Variants in TUBB3 observed in about 807,000 individuals in gnomAD.
TUBB3 encodes the protein tubulin beta-3 chain.
A neutral mutation model predicts 37.8 loss-of-function variants in TUBB3; 17 were observed. That is an observed-to-expected ratio of 0.45 (90% CI 0.31 to 0.67). TUBB3 has a LOEUF of 0.67. Ranked by LOEUF, TUBB3 falls within the 30% of genes least tolerant of loss-of-function variation. TUBB3 has a pLI of 0.07. For missense variants in TUBB3, 262 were observed against 657.9 expected (o/e 0.40, Z 6.58); for synonymous variants, 332 against 278.9 (o/e 1.19, Z -1.90).
chr16:89,932,547 C>T, intron 1 of TUBB3, 24 bp from the exon 2 acceptor site: 1 of 1,605,004 alleles, frequency 6.2e-7, no homozygotes, highest in Non-Finnish European at 8.5e-7. Context: ...GGTGCCGACC[C>T]CCCCTCTCCC....
Position 89,935,373 on chromosome 16 carries a change from G to A in TUBB3, c.922G>A (p.Gly308Ser), listed in dbSNP as rs1567765230. The change falls in exon 4 of 4, where the codon GGC (glycine) becomes AGC (serine). Residue 308 changes from glycine to serine, a missense_variant. Transcript: ENST00000315491. The part of the protein sequence containing the change: ...NMMAACDPRH[G>S]RYLTVATVFR... ...GATGGCCGCCTGCGACCCGCGCCAC[G>A]GCCGCTACCTGACGGTGGCCACCGT... is the stretch of plus-strand genomic sequence containing the variant. The A allele has an allele frequency of 2.5e-6, 4 of 1,614,016 alleles. No homozygotes were observed. The highest frequency in any genetic ancestry group is 3.4e-6 in the Non-Finnish European group (4 of 1,180,060).
rs754560439 is a variant in TUBB3 at position 89,935,522 on chromosome 16, G to A, written c.1071G>A (p.Pro357=). 17 of 1,614,060 alleles carry A rather than the reference G, an allele frequency of 1.1e-5. No individual in the cohort carries two copies. Among genetic ancestry groups the A allele is most frequent in the East Asian group, 2.2e-5 (1 of 44,898 alleles). The change falls in exon 4 of 4, where the codon CCG becomes CCA. Residue 357 remains proline (P), a synonymous_variant. Transcript: ENST00000315491. The stretch of plus-strand genomic sequence containing the variant: ...TGAAGGTGGCCGTGTGTGACATCCC[G>A]CCCCGCGGCCTCAAGATGTCCTCCA... ...NNVKVAVCDI[P]PRGLKMSSTF... is the part of the protein sequence containing the mutation.
At chr16:89,924,809 C>G (rs914230865) in intron 1 of TUBB3, among the ~76,000 whole-genome samples, 2 of 152,086 alleles carry the variant, frequency 1.3e-5, no homozygotes, top group African/African-American at 4.8e-5. Flanking sequence ...ACAGTGGCCT[C>G]AAATCAAACC....
chr16:89,924,137 G>T (rs1050136440), intron 1 of TUBB3, among the ~76,000 whole-genome samples: 7 of 152,224 alleles, frequency 4.6e-5, no homozygotes, highest in African/African-American at 1.7e-4. Flanking sequence ...TTGGATGTGG[G>T]AACAAAGCCG....
chr16:89,926,430 C>G (rs1302934176), intron 1 of TUBB3, among the ~76,000 whole-genome samples: 1 of 152,274 alleles, frequency 6.6e-6, no homozygotes. Context: ...TCGGGGACCC[C>G]CGCTCCCACC....
At chr16:89,933,655 T>A in intron 3 of TUBB3, 77 bp downstream of exon 3, 1 of 1,143,828 alleles carries the variant, frequency 8.7e-7, no homozygotes, top group Non-Finnish European at 1.3e-6. Flanking sequence ...GGGACGGCTG[T>A]GAGAAACAAG....
intron 1 of TUBB3, chr16:89,931,826 G>A (rs936896883): frequency 4.9e-6 from 2 of 407,900 alleles, no homozygotes; most frequent in Non-Finnish European, 1.0e-5. Context: ...AGTCCGAGAA[G>A]CACTGCAGGC....
intron 1 of TUBB3, 130 bp downstream of exon 1, chr16:89,923,588 G>T (rs1368570034): frequency 7.9e-6 from 7 of 888,478 alleles, no homozygotes; most frequent in Admixed American, 4.6e-5. Flanking sequence ...CCAGCGCCGC[G>T]CCGGGCGGCC....
At chr16:89,927,204 G>A (rs907688820) in intron 1 of TUBB3, among the ~76,000 whole-genome samples, 4 of 151,500 alleles carry the variant, frequency 2.6e-5, no homozygotes, top group Admixed American at 1.3e-4. Context: ...GCAAGACTCC[G>A]TGCCTACAAA....
At chr16:89,922,863 C>A (rs1431392377), upstream of TUBB3, among the ~76,000 whole-genome samples, 1 of 152,264 alleles carries the variant, frequency 6.6e-6, no homozygotes, top group Non-Finnish European at 1.5e-5. Flanking sequence ...CCTTTACCTA[C>A]CTCCCCCACC....
intron 1 of TUBB3, among the ~76,000 whole-genome samples, chr16:89,924,389 G>A (rs1320530515): frequency 6.6e-6 from 1 of 152,150 alleles, no homozygotes; most frequent in Non-Finnish European, 1.5e-5. Flanking sequence ...AGCCAACCTG[G>A]GGCTCGGGCG....
At chr16:89,927,548 C>G (rs1411536576) in intron 1 of TUBB3, among the ~76,000 whole-genome samples, 1 of 152,058 alleles carries the variant, frequency 6.6e-6, no homozygotes, top group Non-Finnish European at 1.5e-5. Flanking sequence ...CAAGTGGGAA[C>G]AAATTTCTTT....
Position 89,935,786 on chromosome 16 carries a change from G to T in TUBB3, c.1335G>T (p.Glu445Asp). The T allele has an allele frequency of 1.2e-6, 2 of 1,613,280 alleles. No homozygotes were observed. Among genetic ancestry groups the T allele is most frequent in the Non-Finnish European group, 1.7e-6 (2 of 1,179,666 alleles). Residue 445 changes from glutamate (E) to aspartate (D), a missense_variant, in exon 4 of 4, where the codon GAG becomes GAT. Coordinates refer to ENST00000315491, the MANE Select transcript of TUBB3 (RefSeq NM_006086.4). Reference sequence around the variant, plus strand: ...ACGAAGACGACGAGGAGGAGTCGGAGGCCCAGGGCCCCAAGTGAAGCTGCT... The same window carrying T: ...ACGAAGACGACGAGGAGGAGTCGGATGCCCAGGGCCCCAAGTGAAGCTGCT... The part of the protein sequence containing the change: ...EMYEDDEEES[E>D]AQGPK
At position 89,933,753 on chromosome 16, in the gene TUBB3, C is replaced by G. The variant is rs1050644672; in HGVS notation, c.277+175C>G. 1.1e-5 allele frequency: 8 copies of G among 714,908 alleles called. No individual in the cohort carries two copies. In the African/African-American group the frequency reaches 1.4e-4, roughly 12 times the overall value. The allele number at this position is 714,908 out of a possible 1,614,324, so 44.3% of individuals were successfully genotyped here. On this transcript the variant is annotated intron_variant, in intron 3 of 3. Coordinates refer to ENST00000315491, the MANE Select transcript of TUBB3 (RefSeq NM_006086.4). Reference sequence around the variant, plus strand: ...GCATTGGAGGCCCAGAGAAAGGGTTCTGTGGGGAGAACAGAAACCACTCAT... The same window carrying G: ...GCATTGGAGGCCCAGAGAAAGGGTTGTGTGGGGAGAACAGAAACCACTCAT...
At position 89,934,713 on chromosome 16, in the gene TUBB3, T is replaced by C. The variant is rs200799871; in HGVS notation, c.278-16T>C. 3.1e-5 allele frequency: 50 copies of C among 1,612,806 alleles called. No homozygotes were observed. The Admixed American group carries it at 3.8e-4, about 12-fold the overall frequency. ...GTCCCTGGCCCCTGTCTCTTACCCC[T>C]CTTCTCCCTGTACAGGTCAGAGTGG... On this transcript the variant is annotated splice_polypyrimidine_tract_variant and intron_variant, in intron 3 of 3. Coordinates refer to ENST00000315491, the MANE Select transcript of TUBB3 (RefSeq NM_006086.4).
chr16:89,926,203 A>G (rs1159779823), intron 1 of TUBB3, among the ~76,000 whole-genome samples: 1 of 151,908 alleles, frequency 6.6e-6, no homozygotes, highest in East Asian at 1.9e-4. Context: ...GCAGCGGCGG[A>G]GGGGGGAGCC....
chr16:89,934,829 C>T lies in TUBB3; in HGVS notation c.378C>T (p.Asn126=), dbSNP rs1597424672. The T allele has an allele frequency of 6.2e-7, 1 of 1,614,140 alleles. No homozygotes were observed. The highest frequency in any genetic ancestry group is 8.5e-7 in the Non-Finnish European group (1 of 1,180,020). Residue 126 remains asparagine, a synonymous_variant, in exon 4 of 4, where the codon AAC becomes AAT. Coordinates refer to ENST00000315491, the MANE Select transcript of TUBB3 (RefSeq NM_006086.4). ...ATGTGGTGCGGAAGGAGTGTGAAAA[C>T]TGCGACTGCCTGCAGGGCTTCCAGC... ...VLDVVRKECE[N]CDCLQGFQLT... is the part of the protein sequence containing the mutation.
At chr16:89,931,457 C>T (rs539419086) in intron 1 of TUBB3, among the ~76,000 whole-genome samples, 59 of 152,372 alleles carry the variant, frequency 3.9e-4, no homozygotes, top group African/African-American at 1.4e-3. Context: ...AGGAGGCCTG[C>T]TGCCTGCAGA....
intron 3 of TUBB3, 178 bp downstream of exon 3, chr16:89,933,756 T>G (rs763786636): frequency 1.4e-6 from 1 of 713,008 alleles, no homozygotes; most frequent in South Asian, 1.4e-5. Context: ...AAGGGTTCTG[T>G]GGGGAGAACA....
Sources: allele counts gnomAD v4.1 joint callset (sites outside exome capture counted in the v4.1 genomes callset), GRCh38; gene constraint gnomAD v4.1.1; transcripts MANE v1.5; gene names NCBI Gene and HGNC (gene_info 2026-07-23, HGNC 2026-07-21).